The following MARCHF8 variants were observed in gnomAD, a reference collection of about 807,000 sequenced individuals.
MARCHF8 encodes the protein membrane associated ring-CH-type finger 8, also known as E3 ubiquitin-protein ligase MARCHF8.
A neutral mutation model predicts 51.6 loss-of-function variants in MARCHF8; 40 were observed. That is an observed-to-expected ratio of 0.77 (90% CI 0.60 to 1.01). MARCHF8 has a LOEUF of 1.01. Among genes scored for constraint, MARCHF8 ranks in the 50% least tolerant of loss-of-function variants. MARCHF8 has a pLI of 0.00. For synonymous variants in MARCHF8, 263 were observed against 280.3 expected, an observed-to-expected ratio of 0.94 and a Z score of 0.62; for missense variants, 685 against 708.6, an observed-to-expected ratio of 0.97 and a Z score of 0.38.
intron 1 of MARCHF8, among the ~76,000 whole-genome samples, chr10:45,588,347 G>A (rs954660465): frequency 5.9e-5 from 9 of 152,098 alleles, no homozygotes; most frequent in Non-Finnish European, 7.4e-5. Context: ...CTACAAGAAC[G>A]GGTTGGCTTC....
intron 2 of MARCHF8, among the ~76,000 whole-genome samples, chr10:45,503,352 A>G (rs1261653944): frequency 6.6e-6 from 1 of 152,048 alleles, no homozygotes; most frequent in Non-Finnish European, 1.5e-5. Flanking sequence ...CCTGGCCAAC[A>G]CGGTAAAACC....
chr10:45,473,967 G>T (rs1303726113), intron 3 of MARCHF8, among the ~76,000 whole-genome samples: 1 of 152,128 alleles, frequency 6.6e-6, no homozygotes, highest in Admixed American at 6.5e-5. Flanking sequence ...TGTCTCTCCT[G>T]AGCCACATCT....
chr10:45,588,546 G>A (rs1395977078), intron 1 of MARCHF8, among the ~76,000 whole-genome samples: 2 of 152,214 alleles, frequency 1.3e-5, no homozygotes, highest in East Asian at 3.9e-4. Flanking sequence ...GGTTGATAAA[G>A]ACTTGTATTA....
At chr10:45,534,789 T>C (rs2043948535) in intron 1 of MARCHF8, among the ~76,000 whole-genome samples, 1 of 152,146 alleles carries the variant, frequency 6.6e-6, no homozygotes, top group African/African-American at 2.4e-5. Context: ...TCACTTACTC[T>C]ACCTCTCCCC....
intron 2 of MARCHF8, among the ~76,000 whole-genome samples, chr10:45,503,304 G>A (rs1467010192): frequency 2.0e-5 from 3 of 152,242 alleles, no homozygotes; most frequent in Admixed American, 2.0e-4. Flanking sequence ...TCAGGAGGCT[G>A]AGGCGGGCAG....
At chr10:45,519,090 A>G (rs1441432148) in intron 2 of MARCHF8, among the ~76,000 whole-genome samples, 1 of 152,206 alleles carries the variant, frequency 6.6e-6, no homozygotes, top group African/African-American at 2.4e-5. Context: ...GTCTTTTTCA[A>G]TTTGATCTTA....
At chr10:45,477,153 A>G (rs1165206992) in intron 3 of MARCHF8, among the ~76,000 whole-genome samples, 1 of 152,190 alleles carries the variant, frequency 6.6e-6, no homozygotes, top group African/African-American at 2.4e-5. Flanking sequence ...TGTCAGCAGA[A>G]GCCTTATAGA....
chr10:45,583,251 G>C (rs72798220), intron 1 of MARCHF8, among the ~76,000 whole-genome samples: 4,732 of 152,202 alleles, frequency 0.031, 99 homozygotes, highest in Non-Finnish European at 0.045. Context: ...CAAGTGAATA[G>C]GGGAAAGAAC....
chr10:45,503,448 A>C (rs1589128618), intron 2 of MARCHF8, among the ~76,000 whole-genome samples: 1 of 152,278 alleles, frequency 6.6e-6, no homozygotes, highest in East Asian at 1.9e-4. Flanking sequence ...AGGCAGGAGA[A>C]TTGCTTGAGC....
chr10:45,497,022 G>C (rs12249012), intron 2 of MARCHF8, among the ~76,000 whole-genome samples: 182 of 151,940 alleles, frequency 1.2e-3, no homozygotes, highest in Non-Finnish European at 2.0e-3. Context: ...CAACAGGAAG[G>C]GTTGTCAGGA....
rs556691939 is a variant in MARCHF8, at chr10:45,455,131, G to A, written c.*3108C>T. 9 of 152,414 alleles carry A rather than the reference G, an allele frequency of 5.9e-5. No individual in the cohort carries two copies. Among genetic ancestry groups the A allele is most frequent in the Admixed American group, 3.3e-4 (5 of 15,298 alleles). The allele number at this position is 152,414 out of a possible 1,614,324, so 9.4% of individuals were successfully genotyped here. A position where few individuals can be genotyped will look rare whatever the true frequency, so the allele number is the denominator to read the frequency against. On this transcript the variant is annotated 3_prime_UTR_variant, in exon 8 of 8. Coordinates refer to ENST00000453424, the MANE Select transcript of MARCHF8 (RefSeq NM_001282866.2). ...GCCCCAGATCGTGCAGACATCACCC[G>A]AGGCTCCCAAACTGGCCCAGCTGCC... is the stretch of plus-strand genomic sequence containing the variant.
intron 1 of MARCHF8, among the ~76,000 whole-genome samples, chr10:45,546,409 C>T (rs975066481): frequency 9.2e-5 from 14 of 152,050 alleles, no homozygotes; most frequent in African/African-American, 2.2e-4. Flanking sequence ...GCAATCCGCC[C>T]GCCTTGGCCT....
chr10:45,525,928 C>G (rs894153071), intron 2 of MARCHF8, among the ~76,000 whole-genome samples: 2 of 152,136 alleles, frequency 1.3e-5, no homozygotes, highest in Admixed American at 6.5e-5. Flanking sequence ...GGAGATACAA[C>G]AACAAAATGT....
chr10:45,471,831 A>T (rs898411846), intron 3 of MARCHF8, among the ~76,000 whole-genome samples: 1 of 152,128 alleles, frequency 6.6e-6, no homozygotes, highest in Admixed American at 6.5e-5. Context: ...CTCCAGGCAC[A>T]CCTCCAGTGT....
rs2044417400 is a variant in MARCHF8, at chr10:45,570,539, T to C, written c.-79+23696A>G. ...AATTCTGAGGACTTTCCCTCAAAGA[T>C]TGGCAACATGGCAAAGATAGTGATA... On this transcript the variant is annotated intron_variant, in intron 1 of 6. Transcript: ENST00000319836. 2.0e-5 allele frequency among the ~76,000 whole-genome samples: 3 copies of C among 152,160 alleles called. No homozygotes were observed. The South Asian group carries it at 6.2e-4, about 31-fold the overall frequency.
chr10:45,587,384 A>T (rs1393778091), intron 1 of MARCHF8, among the ~76,000 whole-genome samples: 3 of 152,350 alleles, frequency 2.0e-5, no homozygotes, highest in Non-Finnish European at 2.9e-5. Context: ...AAATATGCAT[A>T]GGACCTGTAC....
intron 1 of MARCHF8, among the ~76,000 whole-genome samples, chr10:45,592,571 A>G (rs1265651569): frequency 6.6e-6 from 1 of 152,240 alleles, no homozygotes; most frequent in African/African-American, 2.4e-5. Flanking sequence ...ACTACTTACC[A>G]CCAGAAGTAT....
At chr10:45,585,278 A>G (rs2044606322) in intron 1 of MARCHF8, among the ~76,000 whole-genome samples, 1 of 152,206 alleles carries the variant, frequency 6.6e-6, no homozygotes, top group African/African-American at 2.4e-5. Flanking sequence ...GCATAAAAAG[A>G]CATGCACAAT....
intron 1 of MARCHF8, among the ~76,000 whole-genome samples, chr10:45,588,667 T>C (rs888658255): frequency 6.6e-6 from 1 of 152,152 alleles, no homozygotes; most frequent in Admixed American, 6.5e-5. Flanking sequence ...TCATTGACTA[T>C]TGGTTATGAA....
Sources: allele counts gnomAD v4.1 joint callset (sites outside exome capture counted in the v4.1 genomes callset), GRCh38; gene constraint gnomAD v4.1.1; transcripts MANE v1.5; gene names NCBI Gene and HGNC (gene_info 2026-07-23, HGNC 2026-07-21).